The following ADGRE2 variants were observed in gnomAD, a reference collection of about 807,000 sequenced individuals.
The protein encoded by ADGRE2 is adhesion G protein-coupled receptor E2.
In ADGRE2, 83 loss-of-function variants were observed where a neutral mutation model predicts 100.8. That is an observed-to-expected ratio of 0.82 (90% CI 0.69 to 0.99). The LOEUF (loss-of-function observed/expected upper bound fraction) is 0.99, where lower values mean the gene tolerates loss of function less well. ADGRE2 is among the 50% of genes least tolerant of loss of function. ADGRE2 has a pLI of 0.00. For missense variants in ADGRE2, 814 were observed against 1,035.7 expected (o/e 0.79, Z 2.94); for synonymous variants, 355 against 413.0 (o/e 0.86, Z 1.70).
At chr19:14,753,835 T>G (rs1279141430) in intron 14 of ADGRE2, among the ~76,000 whole-genome samples, 2 of 151,352 alleles carry the variant, frequency 1.3e-5, no homozygotes, top group African/African-American at 2.4e-5. Flanking sequence ...CCAGACCTAA[T>G]CAGATGAGTC....
chr19:14,774,493 T>C (rs1161619710), intron 2 of ADGRE2, among the ~76,000 whole-genome samples, 187 bp from the exon 3 acceptor site: 1 of 151,622 alleles, frequency 6.6e-6, no homozygotes, highest in Non-Finnish European at 1.5e-5. Context: ...TGTCACCCTG[T>C]CCTCATGGGG....
the ADGRE2 span, among the ~76,000 whole-genome samples, chr19:14,724,532 G>A: frequency 2.6e-5 from 4 of 152,164 alleles, no homozygotes; most frequent in Admixed American, 1.3e-4. Flanking sequence ...TTGGGAGGCC[G>A]AGGCGGGTGG....
At chr19:14,738,532 C>G (rs2042826800) in intron 20 of ADGRE2, among the ~76,000 whole-genome samples, 1 of 152,098 alleles carries the variant, frequency 6.6e-6, no homozygotes, top group Non-Finnish European at 1.5e-5. Flanking sequence ...CATGCACCAC[C>G]ATGCCTGGCT....
rs746073461 is a variant in ADGRE2 at position 14,766,246 on chromosome 19, G to A, written c.623C>T (p.Thr208Ile). 4.3e-6 allele frequency: 7 copies of A among 1,614,096 alleles called. No homozygotes were observed. The highest frequency in any genetic ancestry group is 5.1e-6 in the Non-Finnish European group (6 of 1,180,022). Residue 208 changes from threonine (T) to isoleucine (I), a missense_variant, in exon 7 of 21, where the codon ACC (threonine) becomes ATC (isoleucine). Transcript: ENST00000315576. ...TCTGAGCTCTCGACCTTCACAGACG[G>A]TATTGTTTGGGCCATTGGGGGACCC... ...IPGSPNGPNNTVCEDVDECSS... is the reference protein window; with the variant it reads ...IPGSPNGPNNIVCEDVDECSS...
At chr19:14,772,645 C>T (rs756934836) in intron 4 of ADGRE2, 148 bp from the exon 5 acceptor site, 215 of 932,276 alleles carry the variant, frequency 2.3e-4, no homozygotes, top group Non-Finnish European at 3.3e-4. Flanking sequence ...TATGCTGCAG[C>T]TGGAGCAGGC....
intron 20 of ADGRE2, among the ~76,000 whole-genome samples, chr19:14,738,125 C>T (rs2057733): frequency 0.2 from 29,681 of 151,996 alleles, 3,294 homozygotes; most frequent in Non-Finnish European, 0.25. Context: ...ATCTTAGTTA[C>T]CCTGATTTGC....
At chr19:14,773,745 C>T (rs1458019448) in intron 4 of ADGRE2, among the ~76,000 whole-genome samples, 193 bp downstream of exon 4, 1 of 151,916 alleles carries the variant, frequency 6.6e-6, no homozygotes, top group African/African-American at 2.4e-5. Context: ...TTCCTGGCCT[C>T]AAATGATCCA....
rs1227103901 is a variant in ADGRE2 at position 14,746,238 on chromosome 19, T to C, written c.2177A>G (p.Asn726Ser). Residue 726 changes from asparagine to serine, a missense_variant, in exon 18 of 21, where the codon AAC becomes AGC. Coordinates refer to ENST00000315576, the MANE Select transcript of ADGRE2 (RefSeq NM_013447.4). ...SLNSEVSTLR[N>S]TRMLAFKATA... ...ACCCCCTTCTCCATCTTACCTTGTG[T>C]TCCGGAGGGTGGACACTTCACTATT... is the stretch of plus-strand genomic sequence containing the variant. The C allele has an allele frequency of 3.1e-6, 5 of 1,590,424 alleles. No homozygotes were observed. The highest frequency in any genetic ancestry group is 4.3e-6 in the Non-Finnish European group (5 of 1,159,322).
chr19:14,763,420 A>C (rs1307000111), intron 11 of ADGRE2, among the ~76,000 whole-genome samples: 3 of 152,070 alleles, frequency 2.0e-5, no homozygotes, highest in Non-Finnish European at 2.9e-5. Context: ...AAATGATATT[A>C]ATTTATAGTA....
At position 14,766,056 on chromosome 19, in the gene ADGRE2, C is replaced by T. The variant is rs530018028; in HGVS notation, c.634+179G>A. 93 of 1,344,206 alleles carry T rather than the reference C, an allele frequency of 6.9e-5. No homozygotes were observed. The East Asian group carries it at 1.9e-3, about 28-fold the overall frequency. The allele number at this position is 1,344,206 out of a possible 1,614,324, so 83.3% of individuals were successfully genotyped here. On this transcript the variant is annotated intron_variant, in intron 7 of 20. Transcript: ENST00000315576. ...CCTGGGGTCCCCCTGAGCCTCCCCCCTCAGTACCCCAGCTCCTTCCGCAGG... is the reference window on the plus strand; with the variant it reads ...CCTGGGGTCCCCCTGAGCCTCCCCCTTCAGTACCCCAGCTCCTTCCGCAGG...
At position 14,755,107 on chromosome 19, in the gene ADGRE2, C is replaced by T; in HGVS notation, c.1437G>A (p.Lys479=). The part of the protein sequence containing the change: ...FSHRSVIPRQ[K]VLCVFWEHGQ... ...CATGCTCCCAGAAGACACAGAGCAC[C>T]TTCTGTCTCGGGATCACTGACTGCA... The change falls in exon 14 of 21, where the codon AAG becomes AAA. Residue 479 remains lysine, a synonymous_variant. Transcript: ENST00000315576. The T allele has an allele frequency of 6.2e-7, 1 of 1,613,964 alleles. No individual in the cohort carries two copies. The highest frequency in any genetic ancestry group is 8.5e-7 in the Non-Finnish European group (1 of 1,179,944).
In ADGRE2 at chr19:14,754,974, T is replaced by C. The variant is rs746782632; in HGVS notation, c.1570A>G (p.Met524Val). The change falls in exon 14 of 21, where the codon ATG becomes GTG. Residue 524 changes from methionine (M) to valine (V), a missense_variant. Transcript: ENST00000315576. ...CTHLSSFAVL[M>V]AHYDVQEEDP... is the part of the protein sequence containing the mutation. ...CTCACCTGCACATCGTAGTGGGCCA[T>C]GAGGACGGCAAAGCTGCTCAGGTGG... 3.2e-5 allele frequency: 52 copies of C among 1,614,026 alleles called. No homozygotes were observed. The East Asian group carries it at 1.1e-3, about 35-fold the overall frequency.
rs745384669 is a variant in ADGRE2 at position 14,774,255 on chromosome 19, C to T, written c.82+1G>A. On this transcript the variant is annotated splice_donor_variant, in intron 3 of 20. Coordinates refer to ENST00000315576, the MANE Select transcript of ADGRE2 (RefSeq NM_013447.4). LOFTEE classifies it high-confidence loss of function. The stretch of plus-strand genomic sequence containing the variant: ...TGCTTTCTGCTTCCCAGCAGACTCA[C>T]CCCTGGAGTCCTGGGTTTCAGCTCC... 3 of 1,569,990 alleles carry T rather than the reference C, an allele frequency of 1.9e-6. No individual in the cohort carries two copies. The highest frequency in any genetic ancestry group is 2.3e-5 in the East Asian group (1 of 43,796).
At chr19:14,727,724 G>A (rs548358005), downstream of ADGRE2, among the ~76,000 whole-genome samples, 22 of 151,708 alleles carry the variant, frequency 1.5e-4, no homozygotes, top group African/African-American at 5.1e-4. Flanking sequence ...CCAAATATCT[G>A]AGGCAGTGAT....
Position 14,764,610 on chromosome 19 carries a change from T to C in ADGRE2, c.907A>G (p.Ser303Gly). 1 of 1,610,336 alleles carries C rather than the reference T, an allele frequency of 6.2e-7. No homozygotes were observed. Among genetic ancestry groups the C allele is most frequent in the South Asian group, 1.1e-5 (1 of 90,906 alleles). ...KPGLANNTIQ[S>G]ILQALDELLE... The stretch of plus-strand genomic sequence containing the variant: ...AGCTCATCCAGCGCCTGTAAGATGC[T>C]CTGGAGGGATGTGGACACAGACCTA... Residue 303 changes from serine to glycine, a missense_variant and splice_region_variant, in exon 11 of 21, where the codon AGC becomes GGC. Physicochemically the swap from Ser to Gly is moderately conservative, Grantham distance 56. Around this residue, in one of 5 missense-constraint regions of ADGRE2, gnomAD observed 569 missense variants for 692.7 expected, o/e 0.82. Transcript: ENST00000315576.
At chr19:14,737,012 A>G (rs2042778528) in intron 20 of ADGRE2, among the ~76,000 whole-genome samples, 1 of 148,242 alleles carries the variant, frequency 6.7e-6, no homozygotes, top group Non-Finnish European at 1.5e-5. Flanking sequence ...TAAGTAGATT[A>G]TAGCTGCTTG....
chr19:14,748,120 G>A (rs548535663), intron 16 of ADGRE2, among the ~76,000 whole-genome samples: 281 of 151,986 alleles, frequency 1.8e-3, no homozygotes, highest in African/African-American at 5.7e-3. Context: ...ATTTATCCTC[G>A]CCCTCCTCCC....
At chr19:14,754,820 A>T in intron 14 of ADGRE2, 134 bp downstream of exon 14, 2 of 941,108 alleles carry the variant, frequency 2.1e-6, no homozygotes, top group South Asian at 3.5e-5. Context: ...TGAGCAGAAA[A>T]GCCATCTTGC....
the ADGRE2 span, among the ~76,000 whole-genome samples, chr19:14,725,503 C>T: frequency 6.6e-6 from 1 of 152,182 alleles, no homozygotes; most frequent in Admixed American, 6.5e-5. Flanking sequence ...TCAAAAGTCT[C>T]ATCTGAAGAT....
Sources: allele counts gnomAD v4.1 joint callset (sites outside exome capture counted in the v4.1 genomes callset), GRCh38; gene constraint gnomAD v4.1.1; regional missense constraint gnomAD v4.1.1; transcripts MANE v1.5; gene names NCBI Gene and HGNC (gene_info 2026-07-23, HGNC 2026-07-21).